Variants in SHB observed in about 807,000 individuals in gnomAD.
The protein encoded by SHB is SH2 domain-containing adapter protein B.
In SHB, 20 loss-of-function variants were observed where a neutral mutation model predicts 52.3. That is an observed-to-expected ratio of 0.38 (90% confidence interval 0.27 to 0.56). SHB has a LOEUF of 0.56. SHB is among the 20% of genes least tolerant of loss of function. The probability of loss-of-function intolerance (pLI) is 0.71; values close to 1 mark genes in which losing one functional copy is unlikely to be tolerated. For synonymous variants in SHB, 397 were observed against 316.5 expected (o/e 1.25, Z -2.70); for missense variants, 825 against 723.3 (o/e 1.14, Z -1.61).
At chr9:37,980,130 G>A (rs1260474636) in intron 2 of SHB, among the ~76,000 whole-genome samples, 1 of 152,132 alleles carries the variant, frequency 6.6e-6, no homozygotes, top group Non-Finnish European at 1.5e-5. Flanking sequence ...TTCTTAAAAT[G>A]AGACAATAAA....
chr9:38,059,005 G>A (rs773872674), intron 1 of SHB, among the ~76,000 whole-genome samples: 1 of 152,214 alleles, frequency 6.6e-6, no homozygotes, highest in Non-Finnish European at 1.5e-5. Flanking sequence ...CTCCTGTCAT[G>A]AGAGAGCAAG....
intron 5 of SHB, among the ~76,000 whole-genome samples, chr9:37,922,046 T>G: frequency 6.6e-6 from 1 of 152,132 alleles, no homozygotes; most frequent in South Asian, 2.1e-4. Context: ...GGCACATCAT[T>G]CCCCTCTGCG....
chr9:37,977,055 G>T (rs1203681709), intron 2 of SHB, among the ~76,000 whole-genome samples: 1 of 152,226 alleles, frequency 6.6e-6, no homozygotes, highest in Non-Finnish European at 1.5e-5. Context: ...GTGACTTCAT[G>T]ACTTGGGCCA....
Position 37,974,775 on chromosome 9 carries a change from A to C in SHB, c.901T>G (p.Tyr301Asp), listed in dbSNP as rs758266230. ...TCAACACTTTGGCCTTCAGGTTCGT[A>C]AGGGGTGTCATATAACTGGATACCT... Reference protein sequence around the residue: ...HKGIQLYDTPYEPEGQSVDSD... With the variant: ...HKGIQLYDTPDEPEGQSVDSD... The change falls in exon 3 of 6, where the codon TAC becomes GAC. Residue 301 changes from tyrosine to aspartate, a missense_variant. Tyr to Asp is a radical substitution (Grantham distance 160, BLOSUM62 -3). Coordinates refer to ENST00000377707, the MANE Select transcript of SHB (RefSeq NM_003028.3). The C allele has an allele frequency of 1.4e-5, 23 of 1,614,122 alleles. No individual in the cohort carries two copies. Among genetic ancestry groups the C allele is most frequent in the Non-Finnish European group, 1.8e-5 (21 of 1,179,996 alleles).
intron 2 of SHB, among the ~76,000 whole-genome samples, 165 bp from the exon 3 acceptor site, chr9:37,975,002 C>T (rs907274058): frequency 6.6e-6 from 1 of 152,146 alleles, no homozygotes; most frequent in East Asian, 1.9e-4. Context: ...CCCCCAGTGC[C>T]GCGTCTCTGC....
chr9:38,063,328 T>C (rs1218123563), intron 1 of SHB, among the ~76,000 whole-genome samples: 1 of 152,216 alleles, frequency 6.6e-6, no homozygotes, highest in Non-Finnish European at 1.5e-5. Flanking sequence ...CAAATGATAA[T>C]TCACAACTCC....
chr9:38,048,933 C>T (rs1821697089), intron 1 of SHB, among the ~76,000 whole-genome samples: 1 of 152,188 alleles, frequency 6.6e-6, no homozygotes, highest in Non-Finnish European at 1.5e-5. Context: ...CTCTTTTTGA[C>T]CTAAAACCAA....
At chr9:37,949,746 A>G (rs1285875373) in intron 4 of SHB, among the ~76,000 whole-genome samples, 1 of 152,220 alleles carries the variant, frequency 6.6e-6, no homozygotes, top group South Asian at 2.1e-4. Flanking sequence ...GATGGTGGGC[A>G]GGGAGGTAGC....
chr9:37,945,888 G>T (rs910202728), intron 5 of SHB, among the ~76,000 whole-genome samples: 10 of 152,224 alleles, frequency 6.6e-5, no homozygotes, highest in African/African-American at 2.2e-4. Context: ...TGTAGGGGAA[G>T]AAACTTGGTC....
intron 1 of SHB, among the ~76,000 whole-genome samples, chr9:38,029,844 T>C (rs1263611724): frequency 6.6e-6 from 1 of 152,188 alleles, no homozygotes; most frequent in Non-Finnish European, 1.5e-5. Flanking sequence ...CCAATATGCA[T>C]GGTAAGCACT....
intron 5 of SHB, among the ~76,000 whole-genome samples, chr9:37,932,127 C>T (rs866868396): frequency 6.6e-6 from 1 of 151,606 alleles, no homozygotes; most frequent in African/African-American, 2.4e-5. Flanking sequence ...ACTAAAAATA[C>T]AAAAATTAGC....
intron 2 of SHB, among the ~76,000 whole-genome samples, chr9:38,003,742 G>GC (rs1477585160): frequency 1.3e-5 from 2 of 152,182 alleles, no homozygotes; most frequent in Non-Finnish European, 2.9e-5. Flanking sequence ...ACTGGAGCAG[G>GC]CCACTCAGTG....
intron 2 of SHB, among the ~76,000 whole-genome samples, chr9:37,992,624 C>G (rs1820896682): frequency 6.6e-6 from 1 of 152,134 alleles, no homozygotes; most frequent in African/African-American, 2.4e-5. Flanking sequence ...CGTACTTTAT[C>G]CCATGCAGGG....
At position 38,068,452 on chromosome 9, in the gene SHB, G is replaced by A. The variant is rs371306744; in HGVS notation, c.194C>T (p.Ala65Val). The A allele has an allele frequency of 1.1e-4, 164 of 1,533,832 alleles. No homozygotes were observed. The African/African-American group carries it at 1.9e-3, about 18-fold the overall frequency. ...GTCGTCGGGCAGCGAGCCCGAAGAG[G>A]CTGAGAAGCAGGAGGCGGTGGCCGG... ...CGPATASCFSASSGSLPDDSG... is the reference protein window; with the variant it reads ...CGPATASCFSVSSGSLPDDSG... Residue 65 changes from alanine (A) to valine (V), a missense_variant, in exon 1 of 6, where the codon GCC becomes GTC. Coordinates refer to ENST00000377707, the MANE Select transcript of SHB (RefSeq NM_003028.3).
chr9:38,017,461 C>T (rs570322631), intron 1 of SHB, among the ~76,000 whole-genome samples: 19 of 152,360 alleles, frequency 1.2e-4, no homozygotes. Flanking sequence ...CTTGTGGCAG[C>T]CGTCCTGGCA....
intron 1 of SHB, among the ~76,000 whole-genome samples, chr9:38,017,464 T>C (rs886317521): frequency 2.0e-5 from 3 of 152,126 alleles, no homozygotes; most frequent in Non-Finnish European, 4.4e-5. Context: ...GTGGCAGCCG[T>C]CCTGGCAGGG....
intron 1 of SHB, among the ~76,000 whole-genome samples, chr9:38,043,028 T>C (rs1411183373): frequency 6.6e-6 from 1 of 152,176 alleles, no homozygotes; most frequent in African/African-American, 2.4e-5. Flanking sequence ...AACTTGTCCT[T>C]GCCAAACTCC....
chr9:38,019,827 A>C (rs980376982), intron 1 of SHB, among the ~76,000 whole-genome samples: 1 of 152,222 alleles, frequency 6.6e-6, no homozygotes, highest in East Asian at 1.9e-4. Context: ...TGCATCCATC[A>C]ATAGAGGAAT....
At position 37,917,384 on chromosome 9, in the gene SHB, G is replaced by C. The variant is rs1248399034; in HGVS notation, c.*2437C>G. Among the ~76,000 whole-genome samples the C allele has an allele frequency of 1.3e-5, 2 of 152,188 alleles. No homozygotes were observed. The highest frequency in any genetic ancestry group is 2.4e-5 in the African/African-American group (1 of 41,448). ...ACCCTAAGAGGCCAAGTCAGGGCCA[G>C]AGGGCACAGCTGCCAGCTTCCACTG... is the stretch of plus-strand genomic sequence containing the variant. On this transcript the variant is annotated 3_prime_UTR_variant, in exon 6 of 6. Transcript: ENST00000377707.
Sources: allele counts gnomAD v4.1 joint callset (sites outside exome capture counted in the v4.1 genomes callset), GRCh38; gene constraint gnomAD v4.1.1; transcripts MANE v1.5; gene names NCBI Gene and HGNC (gene_info 2026-07-23, HGNC 2026-07-21).